Variants in BUB1 observed in about 807,000 individuals in gnomAD.
BUB1 encodes BUB1 mitotic checkpoint serine/threonine kinase.
A neutral mutation model predicts 135.2 loss-of-function variants in BUB1; 84 were observed. The ratio of observed to expected loss-of-function variants is 0.62; its 90% confidence interval spans 0.52 to 0.74. The LOEUF is 0.74. Ranked by LOEUF, BUB1 falls within the 30% of genes least tolerant of loss-of-function variation. The pLI is 0.00. For missense variants in BUB1, 1,162 were observed against 1,288.3 expected (o/e 0.90, Z 1.50); for synonymous variants, 403 against 434.4 (o/e 0.93, Z 0.90).
At chr2:110,676,959 T>G (rs1211020425) in intron 1 of BUB1, among the ~76,000 whole-genome samples, 1 of 152,200 alleles carries the variant, frequency 6.6e-6, no homozygotes, top group Non-Finnish European at 1.5e-5. Context: ...TGAATGTCTC[T>G]CATGTCTTAT....
At chr2:110,677,939 G>C in intron 1 of BUB1, 31 bp downstream of exon 1, 1 of 1,602,862 alleles carries the variant, frequency 6.2e-7, no homozygotes, top group African/African-American at 1.3e-5. Context: ...CAGCCCCCTG[G>C]GCTTCCCCAC....
intron 1 of BUB1, chr2:110,674,987 CG>C (rs1690533758): frequency 6.5e-6 from 1 of 154,516 alleles, no homozygotes; most frequent in Non-Finnish European, 1.4e-5. Context: ...GGATTGTAAA[CG>C]GGTGTGAGGC....
chr2:110,641,283 C>G, intron 22 of BUB1, 24 bp downstream of exon 22: 1 of 1,593,214 alleles, frequency 6.3e-7, no homozygotes, highest in East Asian at 2.2e-5. Flanking sequence ...AAGAGAAGAA[C>G]CCTGTTAAAA....
intron 9 of BUB1, among the ~76,000 whole-genome samples, chr2:110,664,120 A>T (rs1276636833): frequency 6.6e-6 from 1 of 152,056 alleles, no homozygotes; most frequent in Non-Finnish European, 1.5e-5. Flanking sequence ...AAAGATAGAA[A>T]ATGGTGAAAT....
intron 19 of BUB1, among the ~76,000 whole-genome samples, chr2:110,644,073 A>AAAAAAAAAAAG (rs1689577963): frequency 6.6e-6 from 1 of 150,812 alleles, no homozygotes; most frequent in Non-Finnish European, 1.5e-5. Context: ...AAAAAAAAAA[A>AAAAAAAAAAAG]AAAAAAAATA....
At chr2:110,662,129 A>G (rs1690117237) in intron 9 of BUB1, 3 of 320,666 alleles carry the variant, frequency 9.4e-6, no homozygotes, top group Non-Finnish European at 1.7e-5. Context: ...GCATTTAAGT[A>G]TTATCTTATT....
rs1376171949 is a variant in BUB1, at chr2:110,641,385, A to T, written c.2705T>A (p.Leu902His). The change falls in exon 22 of 25, where the codon CTT becomes CAT. Residue 902 changes from leucine to histidine, a missense_variant. Physicochemically the swap from Leu to His is moderately conservative, Grantham distance 99 (BLOSUM62 -3). Transcript: ENST00000302759. ...GLVISFAMRMLYMIEQVHDCE... is the reference protein window; with the variant it reads ...GLVISFAMRMHYMIEQVHDCE... ...GTCATGCACTTGCTCAATCATGTAAAGCATTCTCATAGCAAAAGAGATGAC... is the reference window on the plus strand; with the variant it reads ...GTCATGCACTTGCTCAATCATGTAATGCATTCTCATAGCAAAAGAGATGAC... The T allele has an allele frequency of 1.9e-6, 3 of 1,614,172 alleles. No individual in the cohort carries two copies. The highest frequency in any genetic ancestry group is 2.5e-6 in the Non-Finnish European group (3 of 1,180,020).
chr2:110,644,259 C>A (rs1357867078), intron 19 of BUB1, among the ~76,000 whole-genome samples: 2 of 151,460 alleles, frequency 1.3e-5, no homozygotes, highest in Non-Finnish European at 2.9e-5. Flanking sequence ...CCATGATGGG[C>A]GGATCACTTG....
chr2:110,659,472 C>G (rs777468728), intron 11 of BUB1, among the ~76,000 whole-genome samples: 1 of 152,152 alleles, frequency 6.6e-6, no homozygotes, highest in Non-Finnish European at 1.5e-5. Flanking sequence ...CTCAGTAAGT[C>G]TTGGTTCAGT....
intron 9 of BUB1, chr2:110,666,024 A>T: frequency 2.8e-6 from 1 of 363,102 alleles, no homozygotes; most frequent in Non-Finnish European, 4.8e-6. Context: ...ATATATAAAT[A>T]CATGAATATA....
intron 1 of BUB1, chr2:110,674,981 T>A (rs1690533348): frequency 6.5e-6 from 1 of 154,824 alleles, no homozygotes. Context: ...AAAGAGGGAT[T>A]GTAAACGGGT....
chr2:110,665,689 A>G (rs1045990849), intron 9 of BUB1, among the ~76,000 whole-genome samples: 5 of 152,012 alleles, frequency 3.3e-5, no homozygotes, highest in African/African-American at 4.8e-5. Context: ...ATTTTAAAAA[A>G]CCATCTAGTC....
Position 110,669,499 on chromosome 2 carries a change from G to T in BUB1, c.521C>A (p.Ser174Ter). The change falls in exon 6 of 25, where the codon TCA becomes TAA. Residue 174 changes from serine to a stop codon, truncating the protein, a stop_gained. Coordinates refer to ENST00000302759, the MANE Select transcript of BUB1 (RefSeq NM_004336.5). LOFTEE classifies it high-confidence loss of function. ...NVQVLNQMIT[S>*]KSNPGNNMAC... ...CATGTTATTTCCTGGATTTGATTTT[G>T]ATGTTATCATTTGATTTAAAACCTG... 2 of 1,609,166 alleles carry T rather than the reference G, an allele frequency of 1.2e-6. No homozygotes were observed. The highest frequency in any genetic ancestry group is 1.1e-5 in the South Asian group (1 of 90,946).
chr2:110,676,699 GTATA>G, intron 1 of BUB1: 1 of 152,128 alleles, frequency 6.6e-6, no homozygotes, highest in Middle Eastern at 3.4e-3. Flanking sequence ...AAAGAGCAGC[GTATA>G]TATATACTGT....
At chr2:110,656,776 A>G (rs1172824908) in intron 15 of BUB1, among the ~76,000 whole-genome samples, 1 of 152,244 alleles carries the variant, frequency 6.6e-6, no homozygotes, top group Non-Finnish European at 1.5e-5. Context: ...AAATTCAAAG[A>G]ATTTGTGGAT....
chr2:110,670,631 T>A, intron 4 of BUB1, 63 bp from the exon 5 acceptor site: 1 of 1,525,714 alleles, frequency 6.6e-7, no homozygotes, highest in Non-Finnish European at 9.1e-7. Flanking sequence ...GCTGTTAGAG[T>A]GAAAACTAAA....
chr2:110,642,996 C>T (rs1426327294), intron 19 of BUB1, among the ~76,000 whole-genome samples: 5 of 152,118 alleles, frequency 3.3e-5, no homozygotes, highest in Non-Finnish European at 7.3e-5. Context: ...CTAGACTGTA[C>T]TAGTAGATTT....
In BUB1 at chr2:110,637,585, AGTGTGT is replaced by A. The variant is rs5833370; in HGVS notation, c.*373_*378del. On this transcript the variant is annotated 3_prime_UTR_variant, in exon 25 of 25. Transcript: ENST00000302759. ...TGAAGTCCCTTGGAAATGTTAGGGA[AGTGTGT>A]GTGTGTGTGTGTGTGTGTGTGTGTG... The A allele has an allele frequency of 4.3e-4, 64 of 147,660 alleles. No homozygotes were observed. The highest frequency in any genetic ancestry group is 8.8e-4 in the African/African-American group (35 of 39,828). 9.1% of individuals were successfully genotyped at this position (147,660 alleles called of 1,614,324 possible).
chr2:110,662,664 T>C (rs1181768858), intron 9 of BUB1, among the ~76,000 whole-genome samples: 1 of 152,104 alleles, frequency 6.6e-6, no homozygotes, highest in Non-Finnish European at 1.5e-5. Flanking sequence ...TAGCTGGACA[T>C]GGAAGCATGT....
Sources: gnomAD v4.1 joint callset for allele counts (sites outside exome capture counted in the v4.1 genomes callset) on GRCh38, gnomAD v4.1.1 for gene constraint, MANE v1.5 for transcripts, NCBI Gene and HGNC (gene_info 2026-07-23, HGNC 2026-07-21) for gene names.